The following LMX1A variants were observed in gnomAD, a reference collection of about 807,000 sequenced individuals.
LMX1A encodes LIM homeobox transcription factor 1-alpha.
Under a neutral mutation model 49.1 loss-of-function variants are expected in LMX1A, and 15 were observed. That is an observed-to-expected ratio of 0.31 (90% CI 0.20 to 0.47). The LOEUF (loss-of-function observed/expected upper bound fraction) is 0.47. Ranked by LOEUF, LMX1A falls within the 20% of genes least tolerant of loss-of-function variation. LMX1A has a pLI of 1.00. For synonymous variants in LMX1A, 167 were observed against 185.7 expected (o/e 0.90, Z 0.82); for missense variants, 372 against 475.8 (o/e 0.78, Z 2.03).
chr1:165,259,963 C>G (rs551638155), intron 3 of LMX1A, among the ~76,000 whole-genome samples: 134 of 152,246 alleles, frequency 8.8e-4, no homozygotes, highest in African/African-American at 3.1e-3. Context: ...AGCCCTAGAG[C>G]AAAAGACTGT....
At chr1:165,262,387 A>G (rs954035744) in intron 3 of LMX1A, among the ~76,000 whole-genome samples, 6 of 152,242 alleles carry the variant, frequency 3.9e-5, no homozygotes, top group Admixed American at 6.5e-5. Flanking sequence ...CCTGTTAAGA[A>G]TGCAGAAAAA....
At chr1:165,212,483 A>G (rs142036492) in intron 5 of LMX1A, among the ~76,000 whole-genome samples, 4 of 147,496 alleles carry the variant, frequency 2.7e-5, no homozygotes, top group Non-Finnish European at 5.9e-5. Context: ...AAGAAAATAC[A>G]TGTTTGTTGG....
intron 3 of LMX1A, among the ~76,000 whole-genome samples, chr1:165,313,745 G>C (rs1655142310): frequency 6.6e-6 from 1 of 152,124 alleles, no homozygotes; most frequent in African/African-American, 2.4e-5. Flanking sequence ...GTCAAACCAA[G>C]AGAGGCCAGA....
intron 4 of LMX1A, among the ~76,000 whole-genome samples, chr1:165,218,045 C>T (rs1651705160): frequency 2.6e-5 from 4 of 152,176 alleles, no homozygotes; most frequent in Admixed American, 2.6e-4. Context: ...ACAGAAACAA[C>T]CACAGACAAT....
intron 4 of LMX1A, among the ~76,000 whole-genome samples, chr1:165,221,606 G>A (rs978609709): frequency 1.3e-5 from 2 of 152,142 alleles, no homozygotes; most frequent in Non-Finnish European, 2.9e-5. Flanking sequence ...GCCAGGCAGG[G>A]GGAGGGACCG....
At chr1:165,304,609 A>T (rs1654871771) in intron 3 of LMX1A, among the ~76,000 whole-genome samples, 1 of 152,066 alleles carries the variant, frequency 6.6e-6, no homozygotes, top group South Asian at 2.1e-4. Context: ...CACAATGCAA[A>T]TCTTACCATG....
rs749385148 is a variant in LMX1A, at chr1:165,355,519, G to A, written c.41C>T (p.Ala14Val). Reference sequence around the variant, plus strand: ...GGAGAAGGAGGCCGAGGTGTCGATCGCGCTTTGGAAGTTCTCCTCCATCTT... The same window carrying A: ...GGAGAAGGAGGCCGAGGTGTCGATCACGCTTTGGAAGTTCTCCTCCATCTT... ...GLKMEENFQS[A>V]IDTSASFSSL... The change falls in exon 2 of 9, where the codon GCG becomes GTG. Residue 14 changes from alanine to valine, a missense_variant. Around this residue, in one of 3 missense-constraint regions of LMX1A, gnomAD observed 199 missense variants for 244.0 expected, o/e 0.82. Transcript: ENST00000342310. This position sits in a 1 kb window ranked among gnomAD's most constrained non-coding sequence, Gnocchi z 4.7. The A allele has an allele frequency of 3.1e-6, 5 of 1,613,758 alleles. No individual in the cohort carries two copies. The East Asian group carries it at 8.9e-5, about 29-fold the overall frequency.
At chr1:165,255,772 G>A (rs1054579220) in intron 3 of LMX1A, among the ~76,000 whole-genome samples, 7 of 152,062 alleles carry the variant, frequency 4.6e-5, no homozygotes, top group African/African-American at 1.4e-4. Context: ...TCGGGAGGTC[G>A]AGACCAGCCT....
intron 3 of LMX1A, among the ~76,000 whole-genome samples, chr1:165,349,838 A>T (rs536452116): frequency 6.6e-6 from 1 of 152,338 alleles, no homozygotes; most frequent in East Asian, 1.9e-4. Context: ...CTGGTTGCCT[A>T]ACACCATAAA....
Position 165,213,690 on chromosome 1 carries a change from C to G in LMX1A, c.620G>C (p.Arg207Thr). ...RPRTILTTQQ[R>T]RAFKASFEVS... ...TTCAAATGAGGCCTTGAATGCTCGC[C>G]TCTGTTGAGTTGTCAAGATGGTTCT... The change falls in exon 5 of 9, where the codon AGG (arginine) becomes ACG (threonine). Residue 207 changes from arginine to threonine, a missense_variant. Physicochemically the swap from Arg to Thr is moderately conservative, Grantham distance 71. Around this residue, in one of 3 missense-constraint regions of LMX1A, gnomAD observed 46 missense variants for 93.8 expected, o/e 0.49. Transcript: ENST00000342310. The G allele has an allele frequency of 1.2e-6, 2 of 1,614,258 alleles. No homozygotes were observed. The highest frequency in any genetic ancestry group is 1.7e-6 in the Non-Finnish European group (2 of 1,180,044).
At chr1:165,350,178 A>T (rs866170103) in intron 3 of LMX1A, among the ~76,000 whole-genome samples, 40 of 119,820 alleles carry the variant, frequency 3.3e-4, no homozygotes, top group African/African-American at 1.2e-3. Context: ...TCCACCAAAA[A>T]AAAAAAAAAA....
At position 165,272,555 on chromosome 1, in the gene LMX1A, A is replaced by G. The variant is rs1273125224; in HGVS notation, c.264-22915T>C. On this transcript the variant is annotated intron_variant, in intron 3 of 8. Transcript: ENST00000342310. ...GCCAGAGAGTGTGCACCCCTCTATC[A>G]ACACAGAACAATGACCATAGTGGCG... Among the ~76,000 whole-genome samples the G allele has an allele frequency of 2.6e-5, 4 of 151,766 alleles. No homozygotes were observed. The East Asian group carries it at 5.8e-4, about 22-fold the overall frequency.
At chr1:165,270,524 G>A (rs957221158) in intron 3 of LMX1A, among the ~76,000 whole-genome samples, 3 of 152,198 alleles carry the variant, frequency 2.0e-5, no homozygotes, top group Non-Finnish European at 4.4e-5. Context: ...ATGAGCAAGG[G>A]TGTAGAGGCC....
chr1:165,329,393 A>G (rs1292125497), intron 3 of LMX1A, among the ~76,000 whole-genome samples: 1 of 149,994 alleles, frequency 6.7e-6, no homozygotes, highest in African/African-American at 2.4e-5. Flanking sequence ...GGAGATGTGC[A>G]AATACACTGC....
intron 3 of LMX1A, among the ~76,000 whole-genome samples, chr1:165,295,420 A>C (rs1336355373): frequency 1.3e-5 from 2 of 148,186 alleles, no homozygotes; most frequent in African/African-American, 2.4e-5. Flanking sequence ...ATCAGATATA[A>C]ATTAAAAATA....
chr1:165,352,631 A>C (rs897438436), intron 3 of LMX1A, among the ~76,000 whole-genome samples: 1 of 152,254 alleles, frequency 6.6e-6, no homozygotes, highest in Non-Finnish European at 1.5e-5. Context: ...CGCAAGGCAC[A>C]GGCGCGACGC....
chr1:165,349,692 G>A (rs1268618443), intron 3 of LMX1A, among the ~76,000 whole-genome samples: 7 of 152,036 alleles, frequency 4.6e-5, no homozygotes, highest in South Asian at 2.1e-4. Context: ...TTAATAAAAC[G>A]TCCCGAAGTC....
intron 4 of LMX1A, among the ~76,000 whole-genome samples, chr1:165,217,426 C>G (rs1651682160): frequency 6.6e-6 from 1 of 152,140 alleles, no homozygotes; most frequent in African/African-American, 2.4e-5. Context: ...GCCGTTGGGG[C>G]CTATTTTTAG....
chr1:165,300,148 A>T (rs763474261), intron 3 of LMX1A, among the ~76,000 whole-genome samples: 3 of 152,014 alleles, frequency 2.0e-5, no homozygotes, highest in African/African-American at 4.8e-5. Context: ...CAACTCCTTC[A>T]CCTGTCCAAT....
Sources: gnomAD v4.1 joint callset for allele counts (sites outside exome capture counted in the v4.1 genomes callset) on GRCh38, gnomAD v4.1.1 for gene constraint, gnomAD v4.1.1 regional missense constraint, Gnocchi (gnomAD v3.1) non-coding constraint, MANE v1.5 for transcripts, NCBI Gene and HGNC (gene_info 2026-07-23, HGNC 2026-07-21) for gene names.